Variants in PAPPA2 observed in about 807,000 individuals in gnomAD.
PAPPA2 encodes pappalysin 2.
PAPPA2 carries 86 observed loss-of-function variants against 176.4 expected under a neutral mutation model. The ratio of observed to expected loss-of-function variants is 0.49; its 90% CI spans 0.41 to 0.58. The LOEUF is 0.58. Among genes scored for constraint, PAPPA2 ranks in the 20% least tolerant of loss-of-function variants. The probability of loss-of-function intolerance (pLI) is 0.00; values close to 1 mark genes in which losing one functional copy is unlikely to be tolerated. For missense variants in PAPPA2, 2,073 were observed against 2,256.9 expected, an observed-to-expected ratio of 0.92 and a Z score of 1.65; for synonymous variants, 809 against 852.2, an observed-to-expected ratio of 0.95 and a Z score of 0.88.
intron 1 of PAPPA2, among the ~76,000 whole-genome samples, chr1:176,477,443 A>T (rs1379862501): frequency 1.3e-5 from 2 of 152,186 alleles, no homozygotes; most frequent in Non-Finnish European, 2.9e-5. Context: ...AAACTATACT[A>T]TTTAGTTTAA....
At chr1:176,478,373 G>A (rs1652236994) in intron 1 of PAPPA2, among the ~76,000 whole-genome samples, 1 of 152,212 alleles carries the variant, frequency 6.6e-6, no homozygotes, top group Non-Finnish European at 1.5e-5. Context: ...TTGGTTCCTG[G>A]CTCTGCTACT....
At chr1:176,635,878 T>A (rs1656671203) in intron 3 of PAPPA2, among the ~76,000 whole-genome samples, 1 of 152,026 alleles carries the variant, frequency 6.6e-6, no homozygotes, top group Non-Finnish European at 1.5e-5. Context: ...ACAAATGAGG[T>A]TGCAAAACTG....
intron 3 of PAPPA2, among the ~76,000 whole-genome samples, chr1:176,644,273 C>T (rs988128529): frequency 1.3e-5 from 2 of 151,702 alleles, no homozygotes; most frequent in Non-Finnish European, 2.9e-5. Flanking sequence ...CAGGTTCAAG[C>T]AACTTCTGGG....
chr1:176,796,287 G>A (rs965042420), intron 20 of PAPPA2, among the ~76,000 whole-genome samples: 3 of 152,188 alleles, frequency 2.0e-5, no homozygotes, highest in African/African-American at 7.2e-5. Context: ...GAACAGAAAA[G>A]CAAGTTGCAG....
chr1:176,532,615 CACA>C (rs562143926), intron 1 of PAPPA2, among the ~76,000 whole-genome samples: 22 of 152,320 alleles, frequency 1.4e-4, no homozygotes, highest in South Asian at 1.0e-3. Context: ...CACCTTTAAT[CACA>C]ACAAGGGCCA....
At chr1:176,560,320 T>A (rs760611370) in intron 2 of PAPPA2, among the ~76,000 whole-genome samples, 1 of 152,246 alleles carries the variant, frequency 6.6e-6, no homozygotes, top group Non-Finnish European at 1.5e-5. Context: ...AAATAGAAAG[T>A]TGAATTCCAG....
At chr1:176,806,990 G>A (rs1665934820) in intron 21 of PAPPA2, among the ~76,000 whole-genome samples, 1 of 152,118 alleles carries the variant, frequency 6.6e-6, no homozygotes, top group Non-Finnish European at 1.5e-5. Flanking sequence ...TTCATTTCAA[G>A]ACCAATTCTG....
intron 1 of PAPPA2, among the ~76,000 whole-genome samples, chr1:176,540,089 T>A (rs2102564587): frequency 6.6e-6 from 1 of 152,224 alleles, no homozygotes; most frequent in Non-Finnish European, 1.5e-5. Flanking sequence ...GGAATTTCTT[T>A]TCCTCAATGG....
chr1:176,788,436 G>A (rs898449173), intron 17 of PAPPA2, among the ~76,000 whole-genome samples: 1 of 152,162 alleles, frequency 6.6e-6, no homozygotes, highest in African/African-American at 2.4e-5. Flanking sequence ...CCTTAAAAGG[G>A]GTGTAATGAG....
At chr1:176,464,248 C>T (rs1484558000) in intron 1 of PAPPA2, among the ~76,000 whole-genome samples, 2 of 152,162 alleles carry the variant, frequency 1.3e-5, no homozygotes, top group Non-Finnish European at 2.9e-5. Flanking sequence ...AAAATTTAAC[C>T]TCTAGGAGTA....
intron 4 of PAPPA2, among the ~76,000 whole-genome samples, chr1:176,685,147 C>T (rs908959776): frequency 6.6e-6 from 1 of 151,530 alleles, no homozygotes; most frequent in East Asian, 1.9e-4. Flanking sequence ...GGCAAATGAA[C>T]GTGTACTGCC....
intron 1 of PAPPA2, among the ~76,000 whole-genome samples, chr1:176,550,131 T>C (rs1022355578): frequency 6.6e-6 from 1 of 152,250 alleles, no homozygotes; most frequent in East Asian, 1.9e-4. Context: ...TTCTTTCACT[T>C]AGCATAATGC....
intron 14 of PAPPA2, among the ~76,000 whole-genome samples, chr1:176,758,961 G>T (rs1663566037): frequency 2.0e-5 from 3 of 152,276 alleles, no homozygotes; most frequent in African/African-American, 7.2e-5. Context: ...CAGATGGAAG[G>T]CCAAGATGGT....
intron 8 of PAPPA2, among the ~76,000 whole-genome samples, chr1:176,701,954 C>A (rs1490995186): frequency 6.6e-6 from 1 of 152,186 alleles, no homozygotes; most frequent in East Asian, 1.9e-4. Context: ...CTGACAAGCT[C>A]CTTTCATCTC....
At chr1:176,667,505 C>T (rs202125254) in intron 3 of PAPPA2, among the ~76,000 whole-genome samples, 9 of 152,186 alleles carry the variant, frequency 5.9e-5, no homozygotes, top group East Asian at 5.8e-4. Context: ...GAGGTTGCAC[C>T]GAACAACCTG....
rs896128393 is a variant in PAPPA2, at chr1:176,842,614, G to A, written c.*160G>A. On this transcript the variant is annotated 3_prime_UTR_variant, in exon 23 of 23. Transcript: ENST00000367662. ...AAGAAATGCAAGAGGATATTGATAG[G>A]TGTGAACTAGTTCATCAAGTAGCCC... 11 of 674,436 alleles carry A rather than the reference G, an allele frequency of 1.6e-5. No individual in the cohort carries two copies. The Admixed American group carries it at 3.2e-4, about 20-fold the overall frequency. The allele number at this position is 674,436 out of a possible 1,614,324, so 41.8% of individuals were successfully genotyped here.
intron 2 of PAPPA2, among the ~76,000 whole-genome samples, chr1:176,557,611 C>G (rs1366016168): frequency 6.6e-6 from 1 of 152,032 alleles, no homozygotes; most frequent in Non-Finnish European, 1.5e-5. Flanking sequence ...TATGAGATAC[C>G]CAGGCAACCT....
intron 3 of PAPPA2, among the ~76,000 whole-genome samples, chr1:176,656,667 T>A (rs546690843): frequency 6.6e-6 from 1 of 152,018 alleles, no homozygotes; most frequent in African/African-American, 2.4e-5. Context: ...TTGTGCTTCT[T>A]CTCTCTTCTC....
intron 8 of PAPPA2, among the ~76,000 whole-genome samples, chr1:176,702,201 C>T (rs1660679127): frequency 6.6e-6 from 1 of 152,186 alleles, no homozygotes; most frequent in Admixed American, 6.5e-5. Context: ...AGGGGGACTT[C>T]CTGAGCCCAA....
Sources: gnomAD v4.1 joint callset for allele counts (sites outside exome capture counted in the v4.1 genomes callset) on GRCh38, gnomAD v4.1.1 for gene constraint, MANE v1.5 for transcripts, NCBI Gene and HGNC (gene_info 2026-07-23, HGNC 2026-07-21) for gene names.